Variants in CDH17 observed in about 807,000 individuals in gnomAD.
CDH17 encodes cadherin 17.
A neutral mutation model predicts 86.3 loss-of-function variants in CDH17; 67 were observed. The ratio of observed to expected loss-of-function variants is 0.78; its 90% confidence interval spans 0.64 to 0.95. CDH17 has a LOEUF of 0.95. Ranked by LOEUF, CDH17 falls within the 40% of genes least tolerant of loss-of-function variation. The pLI is 0.00. For synonymous variants in CDH17, 367 were observed against 366.4 expected, an observed-to-expected ratio of 1.00 and a Z score of -0.02; for missense variants, 993 against 1,017.6, an observed-to-expected ratio of 0.98 and a Z score of 0.33.
Position 94,170,523 on chromosome 8 carries a change from C to T in CDH17, c.940G>A (p.Asp314Asn), listed in dbSNP as rs752372638. The change falls in exon 9 of 18, where the codon GAT becomes AAT. Residue 314 changes from aspartate to asparagine, a missense_variant. Coordinates refer to ENST00000027335, the MANE Select transcript of CDH17 (RefSeq NM_004063.4). ...TATGAAAGTGGTTTTCCGTACTCAT[C>T]CTTTGCAACTGCATAAAAAACATAC... is the stretch of plus-strand genomic sequence containing the variant. Reference protein sequence around the residue: ...DAYVFYAVAKDEYGKPLSYPL... With the variant: ...DAYVFYAVAKNEYGKPLSYPL... 1.2e-6 allele frequency: 2 copies of T among 1,613,768 alleles called. No individual in the cohort carries two copies. The highest frequency in any genetic ancestry group is 3.3e-5 in the Admixed American group (2 of 60,006).
intron 12 of CDH17, among the ~76,000 whole-genome samples, chr8:94,159,447 C>A (rs1364533351): frequency 6.6e-6 from 1 of 152,102 alleles, no homozygotes; most frequent in African/African-American, 2.4e-5. Flanking sequence ...CTCTGCCTGG[C>A]ACATTAGAAT....
At chr8:94,183,398 G>T (rs1365872300) in intron 3 of CDH17, among the ~76,000 whole-genome samples, 2 of 152,192 alleles carry the variant, frequency 1.3e-5, no homozygotes, top group Admixed American at 1.3e-4. Flanking sequence ...TAGATCAATG[G>T]AATCATAGTG....
chr8:94,167,182 A>G (rs1419600123), intron 9 of CDH17, among the ~76,000 whole-genome samples: 1 of 152,076 alleles, frequency 6.6e-6, no homozygotes, highest in Non-Finnish European at 1.5e-5. Context: ...GGTCCTAAGT[A>G]TTTTATTCCT....
chr8:94,128,402 TTATAAAGTAG>T, intron 17 of CDH17, 62 bp from the exon 18 acceptor site: 1 of 1,026,368 alleles, frequency 9.7e-7, no homozygotes, highest in Non-Finnish European at 1.5e-6. Flanking sequence ...TCACATTCAG[TTATAAAGTAG>T]TATTGTGGTA....
intron 1 of CDH17, among the ~76,000 whole-genome samples, chr8:94,198,169 G>A (rs1008711583): frequency 3.9e-5 from 6 of 152,102 alleles, no homozygotes; most frequent in Non-Finnish European, 8.8e-5. Flanking sequence ...ATTTATACAT[G>A]CTATATAAAT....
At chr8:94,208,063 T>G (rs1256315321) in intron 1 of CDH17, among the ~76,000 whole-genome samples, 2 of 152,228 alleles carry the variant, frequency 1.3e-5, no homozygotes, top group Non-Finnish European at 2.9e-5. Flanking sequence ...GAGAAGTAGA[T>G]AGAATGACAT....
At position 94,148,777 on chromosome 8, in the gene CDH17, G is replaced by A; in HGVS notation, c.1894C>T (p.Pro632Ser). 6.4e-7 allele frequency: 1 copy of A among 1,574,678 alleles called. No homozygotes were observed. The highest frequency in any genetic ancestry group is 8.6e-7 in the Non-Finnish European group (1 of 1,162,114). The change falls in exon 14 of 18, where the codon CCA (proline) becomes TCA (serine). Residue 632 changes from proline (P) to serine (S), a missense_variant. Coordinates refer to ENST00000027335, the MANE Select transcript of CDH17 (RefSeq NM_004063.4). ...VAPLDREAGS[P>S]YRVQVVATEV... ...GTGGCCACCACTTGTACCCGATATG[G>A]ACTTCCGGCTTCTCTGTCCAATGGA...
intron 4 of CDH17, 80 bp downstream of exon 4, chr8:94,177,506 AG>A: frequency 7.0e-7 from 1 of 1,432,960 alleles, no homozygotes; most frequent in Non-Finnish European, 9.7e-7. Flanking sequence ...TGTGCAAGGA[AG>A]GAAGGTGCCA....
rs371983960 is a variant in CDH17 at position 94,165,806 on chromosome 8, G to C, written c.1237C>G (p.Gln413Glu). The C allele has an allele frequency of 1.7e-5, 27 of 1,613,852 alleles. No homozygotes were observed. Among genetic ancestry groups the C allele is most frequent in the Non-Finnish European group, 2.3e-5 (27 of 1,179,772 alleles). The change falls in exon 10 of 18, where the codon CAA (glutamine) becomes GAA (glutamate). Residue 413 changes from glutamine (Q) to glutamate (E), a missense_variant. Transcript: ENST00000027335. The stretch of plus-strand genomic sequence containing the variant: ...GTTAAGTTGTACTGAGGAGTATCTT[G>C]CTTCTTCAAGGACTGTTTAGCTAAC... ...LQLAKQSLKKQDTPQYNLTIE... is the reference protein window; with the variant it reads ...LQLAKQSLKKEDTPQYNLTIE...
intron 10 of CDH17, among the ~76,000 whole-genome samples, chr8:94,162,858 T>G (rs921774765): frequency 6.6e-6 from 1 of 152,138 alleles, no homozygotes; most frequent in Non-Finnish European, 1.5e-5. Flanking sequence ...GGGGACAGGA[T>G]GCCTGGGGGA....
intron 1 of CDH17, among the ~76,000 whole-genome samples, chr8:94,206,724 C>A (rs1814034725): frequency 6.6e-6 from 1 of 150,656 alleles, no homozygotes; most frequent in Non-Finnish European, 1.5e-5. Context: ...TCACTGCAGC[C>A]TCAACCTCCT....
intron 7 of CDH17, among the ~76,000 whole-genome samples, chr8:94,172,883 A>C (rs1204203894): frequency 6.6e-6 from 1 of 152,140 alleles, no homozygotes; most frequent in East Asian, 1.9e-4. Context: ...GCCAGGGGTG[A>C]GGGAGTTTCC....
chr8:94,188,110 C>T (rs754241743), intron 3 of CDH17, among the ~76,000 whole-genome samples: 2 of 152,166 alleles, frequency 1.3e-5, no homozygotes, highest in African/African-American at 4.8e-5. Context: ...CCTGGACCCA[C>T]GCAGATACCA....
chr8:94,160,504 G>T (rs1301507804), intron 11 of CDH17, among the ~76,000 whole-genome samples: 1 of 152,232 alleles, frequency 6.6e-6, no homozygotes, highest in East Asian at 1.9e-4. Flanking sequence ...CAGGTGGTAG[G>T]CACTTTATAT....
intron 7 of CDH17, among the ~76,000 whole-genome samples, chr8:94,171,996 C>A (rs1404525338): frequency 1.7e-5 from 2 of 114,288 alleles, no homozygotes; most frequent in African/African-American, 6.2e-5. Flanking sequence ...CCTCCCCCTC[C>A]TCCCCCTCCT....
At chr8:94,186,931 G>A (rs1240843493) in intron 3 of CDH17, among the ~76,000 whole-genome samples, 1 of 152,000 alleles carries the variant, frequency 6.6e-6, no homozygotes, top group Non-Finnish European at 1.5e-5. Flanking sequence ...CTATACTCTG[G>A]CCCACATGCC....
chr8:94,130,235 A>G (rs1812385861), intron 17 of CDH17, among the ~76,000 whole-genome samples: 1 of 152,214 alleles, frequency 6.6e-6, no homozygotes. Flanking sequence ...GCCTGTAACA[A>G]CAATGGCAGG....
intron 11 of CDH17, among the ~76,000 whole-genome samples, chr8:94,161,567 C>A (rs1234362198): frequency 2.0e-5 from 3 of 152,134 alleles, no homozygotes; most frequent in African/African-American, 7.2e-5. Context: ...TGACTTTTTT[C>A]TTTCTGTCCA....
chr8:94,145,682 A>G lies in CDH17; in HGVS notation c.2167+246T>C, dbSNP rs574960141. ...TCTGTCATTGAAAATTTTGCAAATGATGCTTAGGTCATCCAACTGTTCATC... is the reference window on the plus strand; with the variant it reads ...TCTGTCATTGAAAATTTTGCAAATGGTGCTTAGGTCATCCAACTGTTCATC... On this transcript the variant is annotated intron_variant, in intron 15 of 17. Coordinates refer to ENST00000027335, the MANE Select transcript of CDH17 (RefSeq NM_004063.4). Among the ~76,000 whole-genome samples the G allele has an allele frequency of 2.0e-5, 3 of 151,754 alleles. No homozygotes were observed. The East Asian group carries it at 5.9e-4, about 30-fold the overall frequency.
Sources: allele counts gnomAD v4.1 joint callset (sites outside exome capture counted in the v4.1 genomes callset), GRCh38; gene constraint gnomAD v4.1.1; transcripts MANE v1.5; gene names NCBI Gene and HGNC (gene_info 2026-07-23, HGNC 2026-07-21).